Variants in PDE6D observed in about 807,000 individuals in gnomAD.
The protein encoded by PDE6D is retinal rod rhodopsin-sensitive cGMP 3',5'-cyclic phosphodiesterase subunit delta.
PDE6D carries 10 observed loss-of-function variants against 21.9 expected under a neutral mutation model. The ratio of observed to expected loss-of-function variants is 0.46; its 90% CI spans 0.28 to 0.78. The LOEUF (loss-of-function observed/expected upper bound fraction) is 0.78, where lower values mean the gene tolerates loss of function less well. Ranked by LOEUF, PDE6D falls within the 30% of genes least tolerant of loss-of-function variation. PDE6D has a pLI of 0.12. For synonymous variants in PDE6D, 59 were observed against 63.5 expected (o/e 0.93, Z 0.34); for missense variants, 139 against 184.8 (o/e 0.75, Z 1.44).
intron 1 of PDE6D, among the ~76,000 whole-genome samples, chr2:231,749,736 A>G (rs983351070): frequency 2.6e-5 from 4 of 151,914 alleles, no homozygotes; most frequent in Non-Finnish European, 5.9e-5. Flanking sequence ...GTTTTGCCAT[A>G]TTGGGCAGGC....
chr2:231,740,066 G>C (rs942589836), intron 1 of PDE6D, among the ~76,000 whole-genome samples: 1 of 151,994 alleles, frequency 6.6e-6, no homozygotes, highest in African/African-American at 2.4e-5. Flanking sequence ...AGAGAGATAA[G>C]ACATAACCTT....
At chr2:231,758,330 GTC>G (rs2048899857) in intron 1 of PDE6D, among the ~76,000 whole-genome samples, 2 of 151,910 alleles carry the variant, frequency 1.3e-5, no homozygotes, top group Non-Finnish European at 2.9e-5. Flanking sequence ...TAGAGACAAG[GTC>G]TCACTATGTT....
chr2:231,773,664 G>A (rs1460194842), intron 1 of PDE6D, among the ~76,000 whole-genome samples: 1 of 152,056 alleles, frequency 6.6e-6, no homozygotes, highest in East Asian at 1.9e-4. Flanking sequence ...ACCAAACTAT[G>A]GGAGAAGAAA....
At chr2:231,738,727 C>T (rs1176799916) in intron 2 of PDE6D, among the ~76,000 whole-genome samples, 1 of 151,624 alleles carries the variant, frequency 6.6e-6, no homozygotes, top group Non-Finnish European at 1.5e-5. Context: ...ACCAGGATGG[C>T]CAACATGGTG....
chr2:231,771,332 G>A (rs995767225), intron 1 of PDE6D, among the ~76,000 whole-genome samples: 3 of 152,134 alleles, frequency 2.0e-5, no homozygotes, highest in Middle Eastern at 3.2e-3. Context: ...ATTCTCCAGA[G>A]AGGCATCATG....
chr2:231,754,384 T>C (rs1574626062), intron 1 of PDE6D, among the ~76,000 whole-genome samples: 1 of 139,466 alleles, frequency 7.2e-6, no homozygotes, highest in Admixed American at 7.7e-5. Context: ...TGAGACGGAG[T>C]CTCCCTCTGT....
chr2:231,755,920 C>CAAA (rs201479123), intron 1 of PDE6D, among the ~76,000 whole-genome samples: 31 of 140,394 alleles, frequency 2.2e-4, no homozygotes, highest in Non-Finnish European at 3.2e-4. Flanking sequence ...AACTCCATCT[C>CAAA]AAAAAAAAAA....
At chr2:231,734,685 T>TA (rs534122829) in intron 4 of PDE6D, among the ~76,000 whole-genome samples, 26,502 of 132,210 alleles carry the variant, frequency 0.2, 2,626 homozygotes, top group Non-Finnish European at 0.25. Context: ...ACTAAAAATA[T>TA]AAAAAAAAAA....
rs954645099 is a variant in PDE6D at position 231,781,244 on chromosome 2, A to T, written c.-130T>A. 3 of 791,688 alleles carry T rather than the reference A, an allele frequency of 3.8e-6. No individual in the cohort carries two copies. Among genetic ancestry groups the T allele is most frequent in the Non-Finnish European group, 6.3e-6 (3 of 476,780 alleles). The allele number at this position is 791,688 out of a possible 1,614,324, so 49.0% of individuals were successfully genotyped here. ...GGCTAGCAGCCGCAGCGGCCAGACCAGGACCGGCCTCTCTCTCCCCTCAGC... is the reference window on the plus strand; with the variant it reads ...GGCTAGCAGCCGCAGCGGCCAGACCTGGACCGGCCTCTCTCTCCCCTCAGC... On this transcript the variant is annotated 5_prime_UTR_variant, in exon 1 of 5. Coordinates refer to ENST00000287600, the MANE Select transcript of PDE6D (RefSeq NM_002601.4).
At position 231,754,717 on chromosome 2, in the gene PDE6D, T is replaced by C. The variant is rs143608826; in HGVS notation, c.51-15529A>G. 4.5e-3 allele frequency among the ~76,000 whole-genome samples: 677 copies of C among 151,508 alleles called. 5 individuals carry two copies. Among genetic ancestry groups the C allele is most frequent in the African/African-American group, 0.014 (596 of 41,260 alleles). On this transcript the variant is annotated intron_variant, in intron 1 of 4. Transcript: ENST00000287600. ...TTGTATGAGAATGCCATTAATGCCATGCAGCAAAACTTATTCCAAAGAATG... is the reference window on the plus strand; with the variant it reads ...TTGTATGAGAATGCCATTAATGCCACGCAGCAAAACTTATTCCAAAGAATG...
At chr2:231,745,115 A>C (rs966700008) in intron 1 of PDE6D, among the ~76,000 whole-genome samples, 4 of 152,190 alleles carry the variant, frequency 2.6e-5, no homozygotes, top group Non-Finnish European at 5.9e-5. Flanking sequence ...ATTAGTAAGG[A>C]GAAATAAAAG....
At chr2:231,765,527 C>A (rs56954307) in intron 1 of PDE6D, among the ~76,000 whole-genome samples, 37,935 of 149,814 alleles carry the variant, frequency 0.25, 4,893 homozygotes, top group Non-Finnish European at 0.3. Flanking sequence ...GAGTAATTTC[C>A]AGGTAAGTAT....
intron 4 of PDE6D, among the ~76,000 whole-genome samples, chr2:231,733,390 G>T (rs114748100): frequency 2.6e-5 from 4 of 152,164 alleles, no homozygotes; most frequent in Admixed American, 1.3e-4. Context: ...CTTACATATA[G>T]AAGCCTGCAG....
chr2:231,771,931 C>A (rs536787752), intron 1 of PDE6D, among the ~76,000 whole-genome samples: 3 of 152,310 alleles, frequency 2.0e-5, no homozygotes, highest in African/African-American at 7.2e-5. Flanking sequence ...TTGATACATA[C>A]AAAATTTCCC....
chr2:231,781,207 T>A lies in PDE6D; in HGVS notation c.-93A>T. On this transcript the variant is annotated 5_prime_UTR_variant, in exon 1 of 5. The change creates a new upstream start codon in the 5' untranslated region. Transcript: ENST00000287600. The stretch of plus-strand genomic sequence containing the variant: ...GCCGAGGATGGAGCCGCAGCCCGGC[T>A]TGGAGACCTCGGGCTAGCAGCCGCA... 1 of 1,283,160 alleles carries A rather than the reference T, an allele frequency of 7.8e-7. No homozygotes were observed. The highest frequency in any genetic ancestry group is 1.1e-6 in the Non-Finnish European group (1 of 892,334). 79.5% of individuals were successfully genotyped at this position (1,283,160 alleles called of 1,614,324 possible). A position where few individuals can be genotyped will look rare whatever the true frequency, so the allele number is the denominator to read the frequency against.
chr2:231,752,653 G>C (rs888176226), intron 1 of PDE6D, among the ~76,000 whole-genome samples: 9 of 151,948 alleles, frequency 5.9e-5, no homozygotes, highest in African/African-American at 2.2e-4. Context: ...TCAAAACCTT[G>C]TAATTCCTGG....
At chr2:231,771,988 CT>C (rs1189666261) in intron 1 of PDE6D, among the ~76,000 whole-genome samples, 2 of 152,190 alleles carry the variant, frequency 1.3e-5, no homozygotes, top group Non-Finnish European at 2.9e-5. Context: ...GCTTAAAACA[CT>C]TTCTGGAAAA....
intron 1 of PDE6D, among the ~76,000 whole-genome samples, chr2:231,756,601 CTTTTTTTT>C (rs78576087): frequency 8.6e-6 from 1 of 116,456 alleles, no homozygotes; most frequent in Non-Finnish European, 1.8e-5. Flanking sequence ...CTAAACCTGG[CTTTTTTTT>C]TTTTTTTTTT....
At chr2:231,744,098 C>T (rs540190128) in intron 1 of PDE6D, among the ~76,000 whole-genome samples, 2 of 152,324 alleles carry the variant, frequency 1.3e-5, no homozygotes, top group Middle Eastern at 3.4e-3. Context: ...TCCAGGCTCA[C>T]AGGCAGATGA....
Sources: allele counts gnomAD v4.1 joint callset (sites outside exome capture counted in the v4.1 genomes callset), GRCh38; gene constraint gnomAD v4.1.1; transcripts MANE v1.5; gene names NCBI Gene and HGNC (gene_info 2026-07-23, HGNC 2026-07-21).